Variants in RAD17 observed in about 807,000 individuals in gnomAD.
RAD17 encodes cell cycle checkpoint protein RAD17.
RAD17 carries 31 observed loss-of-function variants against 81.5 expected under a neutral mutation model. The observed-to-expected ratio is 0.38, with a 90% confidence interval of 0.29 to 0.51. The LOEUF (loss-of-function observed/expected upper bound fraction) is 0.51, where lower values mean the gene tolerates loss of function less well. Among genes scored for constraint, RAD17 ranks in the 20% least tolerant of loss-of-function variants. The pLI is 0.88. For missense variants in RAD17, 681 were observed against 781.2 expected (o/e 0.87, Z 1.53); for synonymous variants, 261 against 266.2 (o/e 0.98, Z 0.19).
intron 17 of RAD17, among the ~76,000 whole-genome samples, chr5:69,410,041 G>A (rs2150889881): frequency 6.6e-6 from 1 of 152,176 alleles, no homozygotes; most frequent in Non-Finnish European, 1.5e-5. Context: ...ACCATATTTG[G>A]TTATCCATTC....
chr5:69,377,437 GTGTATATATA>G (rs1308636799), intron 6 of RAD17, among the ~76,000 whole-genome samples: 385 of 25,740 alleles, frequency 0.015, 5 homozygotes, highest in African/African-American at 0.039. Flanking sequence ...GTGTGTGTGT[GTGTATATATA>G]TATATATATA....
intron 6 of RAD17, among the ~76,000 whole-genome samples, chr5:69,380,146 G>T (rs1332318129): frequency 6.6e-6 from 1 of 152,044 alleles, no homozygotes; most frequent in African/African-American, 2.4e-5. Flanking sequence ...CTCCCAAAGT[G>T]CTGGGATTAT....
chr5:69,388,499 T>A (rs1045794586), intron 11 of RAD17, among the ~76,000 whole-genome samples: 1 of 152,186 alleles, frequency 6.6e-6, no homozygotes, highest in South Asian at 2.1e-4. Context: ...AAAAGTAAAA[T>A]AATACAGTAT....
intron 16 of RAD17, 59 bp downstream of exon 16, chr5:69,396,605 T>C: frequency 1.4e-6 from 2 of 1,402,002 alleles, no homozygotes; most frequent in Non-Finnish European, 1.9e-6. Context: ...GTACGTGAAT[T>C]ATAACTCAAA....
At chr5:69,399,248 C>A (rs1765099141) in intron 16 of RAD17, among the ~76,000 whole-genome samples, 1 of 152,090 alleles carries the variant, frequency 6.6e-6, no homozygotes, top group African/African-American at 2.4e-5. Context: ...GAGTGAGACC[C>A]CCATCTCTCA....
chr5:69,391,902 C>T lies in RAD17; in HGVS notation c.1078C>T (p.Arg360Ter). 4.4e-6 allele frequency: 7 copies of T among 1,592,146 alleles called. No homozygotes were observed. Among genetic ancestry groups the T allele is most frequent in the East Asian group, 2.3e-5 (1 of 43,622 alleles). ...AGATGCTGTGCTGTCAAAATCAAAACGAAGAAAAAAACCTGATAGGGTTTT... is the reference window on the plus strand; with the variant it reads ...AGATGCTGTGCTGTCAAAATCAAAATGAAGAAAAAAACCTGATAGGGTTTT... ...KSDAVLSKSK[R>*]RKKPDRVFEN... The change falls in exon 13 of 19, where the codon CGA becomes TGA. Residue 360 changes from arginine to a stop codon, truncating the protein, a stop_gained. Transcript: ENST00000354868. LOFTEE classifies it high-confidence loss of function.
At position 69,414,618 on chromosome 5, in the gene RAD17, G is replaced by T; in HGVS notation, c.*326G>T. On this transcript the variant is annotated 3_prime_UTR_variant, in exon 19 of 19. Coordinates refer to ENST00000354868, the MANE Select transcript of RAD17 (RefSeq NM_133338.3). ...TTCAGGATGCAAAAACGTTATTGGG[G>T]GGTTGTAAATATCAACTATTCAACA... 2.8e-6 allele frequency: 1 copy of T among 357,532 alleles called. No homozygotes were observed. The highest frequency in any genetic ancestry group is 5.1e-6 in the Non-Finnish European group (1 of 195,824). 22.1% of individuals were successfully genotyped at this position (357,532 alleles called of 1,614,324 possible). A position where few individuals can be genotyped will look rare whatever the true frequency, so the allele number is the denominator to read the frequency against.
At chr5:69,413,975 A>C in intron 18 of RAD17, 56 bp from the exon 19 acceptor site, 1 of 1,572,212 alleles carries the variant, frequency 6.4e-7, no homozygotes, top group Non-Finnish European at 8.7e-7. Context: ...CTCATGGTGT[A>C]ATTTAAAAAT....
intron 17 of RAD17, among the ~76,000 whole-genome samples, chr5:69,403,209 C>T (rs922177173): frequency 6.6e-6 from 1 of 152,140 alleles, no homozygotes; most frequent in African/African-American, 2.4e-5. Context: ...TAACCTGATG[C>T]ATTTAGTGAT....
intron 17 of RAD17, 145 bp from the exon 18 acceptor site, chr5:69,410,348 A>G: frequency 1.7e-6 from 1 of 601,688 alleles, no homozygotes; most frequent in South Asian, 2.0e-5. Flanking sequence ...CAGTCATCCT[A>G]ATAGATGTGA....
chr5:69,404,549 C>T (rs1765469374), intron 17 of RAD17, among the ~76,000 whole-genome samples: 1 of 152,202 alleles, frequency 6.6e-6, no homozygotes, highest in East Asian at 1.9e-4. Context: ...GGGTGGATCG[C>T]CTGAGGTCAG....
At chr5:69,386,947 C>T (rs1348058086) in intron 11 of RAD17, among the ~76,000 whole-genome samples, 1 of 138,398 alleles carries the variant, frequency 7.2e-6, no homozygotes, top group Non-Finnish European at 1.5e-5. Context: ...TTTTTGGAGA[C>T]AGGGTCTCAC....
chr5:69,410,415 C>A, intron 17 of RAD17, 78 bp from the exon 18 acceptor site: 2 of 1,090,692 alleles, frequency 1.8e-6, no homozygotes, highest in Non-Finnish European at 2.8e-6. Flanking sequence ...TGATGTTCAG[C>A]ATCTTTTCAG....
intron 17 of RAD17, among the ~76,000 whole-genome samples, chr5:69,400,815 T>TC (rs1334232770): frequency 6.6e-6 from 1 of 151,922 alleles, no homozygotes; most frequent in African/African-American, 2.4e-5. Context: ...GCGCTTGTAA[T>TC]CCCAGCTACT....
rs201980906 is a variant in RAD17, at chr5:69,405,677, C to CA, written c.1694-4806dup. Among the ~76,000 whole-genome samples, 315 of 146,468 alleles carry CA rather than the reference C, an allele frequency of 2.2e-3. 10 individuals carry two copies. In the East Asian group the frequency reaches 0.051, roughly 24 times the overall value. On this transcript the variant is annotated intron_variant, in intron 17 of 18. Coordinates refer to ENST00000354868, the MANE Select transcript of RAD17 (RefSeq NM_133338.3). ...GCAAAACTCTGTCTCAAAAAACAAA[C>CA]AAAAAAAAAACTCTAAAAATAGAAC...
At chr5:69,385,356 C>A (rs1466390868) in intron 8 of RAD17, among the ~76,000 whole-genome samples, 1 of 150,904 alleles carries the variant, frequency 6.6e-6, no homozygotes, top group Admixed American at 6.6e-5. Context: ...GCCACCTCCG[C>A]CTCCTGGGTT....
chr5:69,405,527 C>T (rs184760674), intron 17 of RAD17, among the ~76,000 whole-genome samples: 4 of 152,004 alleles, frequency 2.6e-5, no homozygotes, highest in Middle Eastern at 3.4e-3. Flanking sequence ...ATTAGCTGGG[C>T]GTGGTGGCAC....
chr5:69,394,764 T>C (rs1218419031), intron 15 of RAD17, among the ~76,000 whole-genome samples: 2 of 152,170 alleles, frequency 1.3e-5, no homozygotes, highest in African/African-American at 2.4e-5. Context: ...CTGTGTGCTA[T>C]AAATATTAAA....
chr5:69,369,602 C>G, upstream of RAD17: 1 of 1,585,422 alleles, frequency 6.3e-7, no homozygotes, highest in South Asian at 1.1e-5. Context: ...GGCCCCGAAG[C>G]CCACCGCGGC....
Sources: gnomAD v4.1 joint callset for allele counts (sites outside exome capture counted in the v4.1 genomes callset) on GRCh38, gnomAD v4.1.1 for gene constraint, MANE v1.5 for transcripts, NCBI Gene and HGNC (gene_info 2026-07-23, HGNC 2026-07-21) for gene names.